Variants in PTPRN2 observed in about 807,000 individuals in gnomAD.
PTPRN2 encodes protein tyrosine phosphatase receptor type N2, also known as receptor-type tyrosine-protein phosphatase N2.
Under a neutral mutation model 118.8 loss-of-function variants are expected in PTPRN2, and 74 were observed. The observed-to-expected ratio is 0.62, with a 90% CI of 0.52 to 0.76. The LOEUF is 0.76. PTPRN2 is among the 30% of genes least tolerant of loss of function. The pLI is 0.00. For synonymous variants in PTPRN2, 641 were observed against 608.0 expected, an observed-to-expected ratio of 1.05 and a Z score of -0.80; for missense variants, 1,481 against 1,394.4, an observed-to-expected ratio of 1.06 and a Z score of -0.99.
intron 1 of PTPRN2, among the ~76,000 whole-genome samples, chr7:158,516,475 C>A (rs761076435): frequency 2.3e-4 from 35 of 152,256 alleles, no homozygotes; most frequent in Non-Finnish European, 3.8e-4. Context: ...GCCTGCCTTG[C>A]ACCCAGCCCT....
intron 2 of PTPRN2, among the ~76,000 whole-genome samples, chr7:158,478,304 G>A (rs1327226405): frequency 2.6e-5 from 4 of 152,220 alleles, no homozygotes; most frequent in Non-Finnish European, 4.4e-5. Context: ...GGAAAGCAGC[G>A]CCGTACAGAC....
intron 2 of PTPRN2, among the ~76,000 whole-genome samples, chr7:158,464,485 C>A (rs1046661515): frequency 6.9e-6 from 1 of 144,998 alleles, no homozygotes; most frequent in African/African-American, 2.6e-5. Flanking sequence ...CCATCATTGC[C>A]ATGCCATTTA....
chr7:157,967,739 G>A (rs1802047974), intron 11 of PTPRN2, among the ~76,000 whole-genome samples: 1 of 152,220 alleles, frequency 6.6e-6, no homozygotes, highest in South Asian at 2.1e-4. Context: ...CAACAAACAG[G>A]AGGGTGGACA....
At chr7:158,103,676 T>C (rs943247148) in intron 10 of PTPRN2, among the ~76,000 whole-genome samples, 3 of 152,050 alleles carry the variant, frequency 2.0e-5, no homozygotes, top group Non-Finnish European at 4.4e-5. Flanking sequence ...GGATGAGTGT[T>C]CCCCTTCTTA....
chr7:158,535,408 C>T (rs1825588123), intron 1 of PTPRN2, among the ~76,000 whole-genome samples: 1 of 152,184 alleles, frequency 6.6e-6, no homozygotes, highest in Admixed American at 6.5e-5. Flanking sequence ...ATGCCCACCT[C>T]ACTGGGTCAT....
Position 157,725,979 on chromosome 7 carries a change from G to GC in PTPRN2, c.1789-43043_1789-43042insG, listed in dbSNP as rs1563043369. Among the ~76,000 whole-genome samples, 88 of 84,344 alleles carry GC rather than the reference G, an allele frequency of 1.0e-3. 3 individuals carry two copies. The highest frequency in any genetic ancestry group is 2.5e-3 in the African/African-American group (47 of 18,956). The allele number at this position is 84,344 out of a possible 152,430, so 55.3% of individuals were successfully genotyped here. On this transcript the variant is annotated intron_variant, in intron 12 of 22. Coordinates refer to ENST00000389418, the MANE Select transcript of PTPRN2 (RefSeq NM_002847.5). ...ACTGGATATCCACATGCAGAGGAGT[G>GC]AGCCAGACCCTCGCCTCCCAGGAGA...
chr7:158,250,699 A>G lies in PTPRN2; in HGVS notation c.278-45426T>C, dbSNP rs141062402. 1.1e-4 allele frequency among the ~76,000 whole-genome samples: 17 copies of G among 152,320 alleles called. No homozygotes were observed. The East Asian group carries it at 3.3e-3, about 29-fold the overall frequency. On this transcript the variant is annotated intron_variant, in intron 3 of 22. Coordinates refer to ENST00000389418, the MANE Select transcript of PTPRN2 (RefSeq NM_002847.5). ...TGGTTTCTCTCTCGTCTGTTTTTTG[A>G]CGTGATGCAAAACATGTTTGAATGT... is the stretch of plus-strand genomic sequence containing the variant.
At chr7:157,767,126 A>T (rs1802531598) in intron 12 of PTPRN2, among the ~76,000 whole-genome samples, 1 of 152,154 alleles carries the variant, frequency 6.6e-6, no homozygotes, top group Non-Finnish European at 1.5e-5. Context: ...TGGCACTTGC[A>T]GTGTAGATGA....
intron 9 of PTPRN2, among the ~76,000 whole-genome samples, chr7:158,120,026 A>G (rs1817029343): frequency 1.3e-5 from 2 of 152,244 alleles, no homozygotes; most frequent in African/African-American, 4.8e-5. Flanking sequence ...AGCCCTGAAC[A>G]GGAAGAAATT....
intron 1 of PTPRN2, among the ~76,000 whole-genome samples, chr7:158,531,747 A>G (rs1012725435): frequency 1.3e-5 from 2 of 152,192 alleles, no homozygotes; most frequent in Non-Finnish European, 2.9e-5. Flanking sequence ...AACAACCTCC[A>G]AACACCAGGC....
rs1797911382 is a variant in PTPRN2 at position 157,539,502 on chromosome 7, A to G, written c.*1212T>C. The G allele has an allele frequency of 1.3e-5, 2 of 152,290 alleles. No individual in the cohort carries two copies. Among genetic ancestry groups the G allele is most frequent in the South Asian group, 4.1e-4 (2 of 4,828 alleles). 9.4% of individuals were successfully genotyped at this position (152,290 alleles called of 1,614,324 possible). A position where few individuals can be genotyped will look rare whatever the true frequency, so the allele number is the denominator to read the frequency against. On this transcript the variant is annotated 3_prime_UTR_variant, in exon 23 of 23. Coordinates refer to ENST00000389418, the MANE Select transcript of PTPRN2 (RefSeq NM_002847.5). ...CTTGGTCAATGAAGTGAATTGTCCT[A>G]TTTCTGGGGTAGGGGGTGATGGCGA...
intron 6 of PTPRN2, among the ~76,000 whole-genome samples, chr7:158,151,947 G>C (rs1349943901): frequency 1.7e-4 from 26 of 152,114 alleles, no homozygotes; most frequent in Admixed American, 1.6e-3. Flanking sequence ...GCCGAGGCGG[G>C]TGGATCACAA....
At chr7:158,440,887 AAGGTG>A in intron 2 of PTPRN2, among the ~76,000 whole-genome samples, 1 of 80,488 alleles carries the variant, frequency 1.2e-5, no homozygotes, top group Non-Finnish European at 2.5e-5. Context: ...GGTGGTGGTG[AAGGTG>A]GTGGTGGTGA....
chr7:157,581,881 G>GAAGGCAC (rs1353688627), intron 17 of PTPRN2, among the ~76,000 whole-genome samples: 2 of 152,218 alleles, frequency 1.3e-5, no homozygotes, highest in African/African-American at 4.8e-5. Context: ...GACACCTCGA[G>GAAGGCAC]AAGGCACAGA....
Position 157,610,590 on chromosome 7 carries a change from C to T in PTPRN2, c.2345-6515G>A, listed in dbSNP as rs1424783387. 2.0e-5 allele frequency among the ~76,000 whole-genome samples: 3 copies of T among 152,306 alleles called. No individual in the cohort carries two copies. The highest frequency in any genetic ancestry group is 2.1e-4 in the South Asian group (1 of 4,824). ...GGGGCTGCTGGCCGTCAGCAAGGGC[C>T]GTCAGTGCTGCTTAGGGATCCCAGC... On this transcript the variant is annotated intron_variant, in intron 15 of 22. Coordinates refer to ENST00000389418, the MANE Select transcript of PTPRN2 (RefSeq NM_002847.5). This position sits in a 1 kb window ranked among gnomAD's most constrained non-coding sequence, Gnocchi z 5.1.
At chr7:158,262,721 C>A (rs111162939) in intron 3 of PTPRN2, among the ~76,000 whole-genome samples, 1 of 147,010 alleles carries the variant, frequency 6.8e-6, no homozygotes, top group African/African-American at 2.5e-5. Context: ...ACACACATTG[C>A]GCACACATAC....
chr7:157,623,032 A>G (rs576078751), intron 14 of PTPRN2, among the ~76,000 whole-genome samples: 6 of 152,226 alleles, frequency 3.9e-5, no homozygotes, highest in Non-Finnish European at 8.8e-5. Flanking sequence ...TTCCTTGTGC[A>G]TGGAAGAAGC....
Position 158,068,254 on chromosome 7 carries a change from G to A in PTPRN2, c.1723+13044C>T, listed in dbSNP as rs903775796. On this transcript the variant is annotated intron_variant, in intron 11 of 22. Transcript: ENST00000389418. ...GAGAAAGCCATGAAACGACGCAGGT[G>A]GCTGTCTGATCAGGCCCACTGGGTG... 2.3e-4 allele frequency among the ~76,000 whole-genome samples: 35 copies of A among 152,222 alleles called. 1 individual carries two copies. The highest frequency in any genetic ancestry group is 6.3e-4 in the African/African-American group (26 of 41,460).
At chr7:158,119,709 A>T (rs755820032) in intron 9 of PTPRN2, among the ~76,000 whole-genome samples, 12 of 152,154 alleles carry the variant, frequency 7.9e-5, no homozygotes, top group Admixed American at 2.0e-4. Context: ...TGTTAATCTC[A>T]TACTCTAATT....
Sources: gnomAD v4.1 joint callset for allele counts (sites outside exome capture counted in the v4.1 genomes callset) on GRCh38, gnomAD v4.1.1 for gene constraint, Gnocchi (gnomAD v3.1) non-coding constraint, MANE v1.5 for transcripts, NCBI Gene and HGNC (gene_info 2026-07-23, HGNC 2026-07-21) for gene names.